HYDIN: variants seen among roughly 807,000 people sequenced by gnomAD.
The protein encoded by HYDIN is HYDIN axonemal central pair apparatus protein, also known as axonemal central pair apparatus protein HYDIN.
A neutral mutation model predicts 403.9 loss-of-function variants in HYDIN; 132 were observed. The observed-to-expected ratio is 0.33, with a 90% CI of 0.28 to 0.38. The LOEUF is 0.38. Ranked by LOEUF, HYDIN falls within the 10% of genes least tolerant of loss-of-function variation. The probability of loss-of-function intolerance (pLI) is 1.00; values close to 1 mark genes in which losing one functional copy is unlikely to be tolerated. For synonymous variants in HYDIN, 1,202 were observed against 1,891.7 expected, an observed-to-expected ratio of 0.64 and a Z score of 9.46; for missense variants, 2,827 against 5,009.5, an observed-to-expected ratio of 0.56 and a Z score of 13.15.
intron 3 of HYDIN, among the ~76,000 whole-genome samples, chr16:71,179,561 T>A (rs537746677): frequency 2.0e-5 from 3 of 152,202 alleles, no homozygotes; most frequent in African/African-American, 4.8e-5. Context: ...GGGGTAAATA[T>A]GTGGTTACTC....
At chr16:71,004,404 C>T (rs1341159836) in intron 23 of HYDIN, among the ~76,000 whole-genome samples, 5 of 151,120 alleles carry the variant, frequency 3.3e-5, no homozygotes, top group Non-Finnish European at 5.9e-5. Flanking sequence ...AAAAGTTATC[C>T]TTGATCAGGT....
rs372247438 is a variant in HYDIN at position 70,874,997 on chromosome 16, C to T, written c.10558-78G>A. ...TTTGAGTCTGGGGTGAGATACTGTG[C>T]TGTGTTTGGGGCAGGACCCCAAAAA... On this transcript the variant is annotated intron_variant, in intron 62 of 85. Coordinates refer to ENST00000393567, the MANE Select transcript of HYDIN (RefSeq NM_001270974.2). 4,365 of 1,342,706 alleles carry T rather than the reference C, an allele frequency of 3.3e-3. 120 individuals carry two copies. The African/African-American group carries it at 0.058, about 18-fold the overall frequency. The allele number at this position is 1,342,706 out of a possible 1,614,324, so 83.2% of individuals were successfully genotyped here.
At chr16:71,179,180 C>A in intron 3 of HYDIN, 133 bp from the exon 4 acceptor site, 1 of 582,696 alleles carries the variant, frequency 1.7e-6, no homozygotes, top group East Asian at 3.0e-5. Context: ...AATCCATACC[C>A]AAGTACATCA....
chr16:70,836,175 G>A (rs2037413373), intron 77 of HYDIN, among the ~76,000 whole-genome samples: 2 of 152,214 alleles, frequency 1.3e-5, no homozygotes, highest in South Asian at 4.1e-4. Context: ...AAAGGTATGA[G>A]CTAGTCAGTT....
At chr16:71,205,935 C>T (rs1231050364) in intron 1 of HYDIN, among the ~76,000 whole-genome samples, 1 of 152,226 alleles carries the variant, frequency 6.6e-6, no homozygotes, top group Admixed American at 6.5e-5. Flanking sequence ...TGTGACCCTA[C>T]TGACCTCAAC....
intron 18 of HYDIN, among the ~76,000 whole-genome samples, chr16:71,036,955 C>G (rs750244571): frequency 2.0e-5 from 3 of 146,684 alleles, no homozygotes; most frequent in East Asian, 4.0e-4. Flanking sequence ...ATCATCATAG[C>G]TATGGAGGGC....
chr16:70,840,548 T>C (rs1391200034), intron 75 of HYDIN, among the ~76,000 whole-genome samples: 1 of 152,232 alleles, frequency 6.6e-6, no homozygotes, highest in Admixed American at 6.5e-5. Flanking sequence ...AGGACTCTGA[T>C]TGGATGCCCA....
intron 62 of HYDIN, among the ~76,000 whole-genome samples, chr16:70,878,363 TGACAAATA>T (rs2040573716): frequency 7.0e-6 from 1 of 142,594 alleles, no homozygotes; most frequent in African/African-American, 2.7e-5. Context: ...GCATGAGAAC[TGACAAATA>T]CAGATGGAAA....
intron 85 of HYDIN, among the ~76,000 whole-genome samples, chr16:70,808,945 C>A (rs1045875955): frequency 6.6e-6 from 1 of 152,166 alleles, no homozygotes; most frequent in Admixed American, 6.5e-5. Flanking sequence ...GGCAGAGCAT[C>A]GGGACAGAAG....
intron 6 of HYDIN, among the ~76,000 whole-genome samples, chr16:71,159,856 C>T (rs1377526279): frequency 6.6e-6 from 1 of 151,390 alleles, no homozygotes. Flanking sequence ...AAAATAAACA[C>T]TTTTTTCCAG....
chr16:70,991,969 T>C (rs1774515), intron 24 of HYDIN, 101 bp downstream of exon 24: 1 of 1,577,892 alleles, frequency 6.3e-7, no homozygotes, highest in Admixed American at 1.8e-5. Context: ...GTTGACTGGG[T>C]ACTGGATGAA....
rs375922596 is a variant in HYDIN, at chr16:70,808,041, C to T, written c.14905G>A (p.Ala4969Thr). ...GGGGCTGCATTAATGAGTTTTTCTG[C>T]GTGGAAGTCTGTACAGTCGGTCTGA... ...YCRTDCTDFH[A>T]EKLINAAPGG... The change falls in exon 86 of 86, where the codon GCA (alanine) becomes ACA (threonine). Residue 4969 changes from alanine (A) to threonine (T), a missense_variant. By Grantham distance (58) the Ala-to-Thr change is moderately conservative (BLOSUM62 0). Coordinates refer to ENST00000393567, the MANE Select transcript of HYDIN (RefSeq NM_001270974.2). 46 of 1,611,796 alleles carry T rather than the reference C, an allele frequency of 2.9e-5. No individual in the cohort carries two copies. The highest frequency in any genetic ancestry group is 3.5e-5 in the Non-Finnish European group (41 of 1,178,778).
Position 70,978,349 on chromosome 16 carries a change from C to T in HYDIN, c.4638+565G>A, listed in dbSNP as rs140238455. On this transcript the variant is annotated intron_variant, in intron 30 of 85. Transcript: ENST00000393567. ...CATTGCTTACAGCACCACCATCTCT[C>T]ACCTAGAATGACTCCATCAGCTTAA... Among the ~76,000 whole-genome samples the T allele has an allele frequency of 5.7e-3, 838 of 147,906 alleles. 8 individuals are homozygous for T. The highest frequency in any genetic ancestry group is 0.019 in the African/African-American group (789 of 40,820).
In HYDIN at chr16:70,934,331, CT is replaced by C. The variant is rs113716196; in HGVS notation, c.7158+1620del. ...TCGGGGGCACCAGGGTTGAAGAAAA[CT>C]TTTTTTTTTTTCATTTTAAAGGTGG... is the stretch of plus-strand genomic sequence containing the variant. On this transcript the variant is annotated intron_variant, in intron 45 of 85. Transcript: ENST00000393567. Among the ~76,000 whole-genome samples the C allele has an allele frequency of 5.4e-3, 802 of 149,176 alleles. 1 individual carries two copies. The highest frequency in any genetic ancestry group is 0.016 in the African/African-American group (660 of 40,704).
Position 70,882,898 on chromosome 16 carries a change from G to A in HYDIN, c.9980-3C>T. ...GGCATTGTTTTCGGTCACGAAGGCT[G>A]GGGAGTGAAGGGGAGACCATGAGAT... On this transcript the variant is annotated splice_region_variant and splice_polypyrimidine_tract_variant and intron_variant, in intron 59 of 85. Coordinates refer to ENST00000393567, the MANE Select transcript of HYDIN (RefSeq NM_001270974.2). 1.3e-6 allele frequency: 2 copies of A among 1,582,784 alleles called. No individual in the cohort carries two copies. The highest frequency in any genetic ancestry group is 1.7e-6 in the Non-Finnish European group (2 of 1,151,628).
At chr16:71,022,525 C>T (rs2080535647) in intron 21 of HYDIN, among the ~76,000 whole-genome samples, 1 of 151,974 alleles carries the variant, frequency 6.6e-6, no homozygotes, top group African/African-American at 2.4e-5. Context: ...TTCTAATGTA[C>T]CAAATCAGAT....
Position 71,175,703 on chromosome 16 carries a change from A to G in HYDIN, c.420T>C (p.Pro140=). ...CTTTGGGGCTGATTACTTTAAAGTA[A>G]GGCGAACTTTCTTCCACAACTTTCA... ...RLVKVVEESS[P]YFKVISPKDI... The change falls in exon 5 of 86, where the codon CCT becomes CCC. Residue 140 remains proline, a synonymous_variant. Coordinates refer to ENST00000393567, the MANE Select transcript of HYDIN (RefSeq NM_001270974.2). 2 of 1,614,212 alleles carry G rather than the reference A, an allele frequency of 1.2e-6. No individual in the cohort carries two copies. Among genetic ancestry groups the G allele is most frequent in the Non-Finnish European group, 1.7e-6 (2 of 1,180,010 alleles).
intron 47 of HYDIN, among the ~76,000 whole-genome samples, chr16:70,914,417 A>G (rs1597306937): frequency 6.6e-6 from 1 of 151,582 alleles, no homozygotes; most frequent in East Asian, 1.9e-4. Context: ...GCTGGATACA[A>G]AATTCTTGGC....
At chr16:71,021,832 C>CT (rs368942529) in intron 21 of HYDIN, among the ~76,000 whole-genome samples, 2 of 152,154 alleles carry the variant, frequency 1.3e-5, no homozygotes, top group African/African-American at 4.8e-5. Flanking sequence ...TGATATGACT[C>CT]TGTCTTCCAG....
Sources: allele counts gnomAD v4.1 joint callset (sites outside exome capture counted in the v4.1 genomes callset), GRCh38; gene constraint gnomAD v4.1.1; transcripts MANE v1.5; gene names NCBI Gene and HGNC (gene_info 2026-07-23, HGNC 2026-07-21).